MYORG: variants seen among roughly 807,000 people sequenced by gnomAD.
The protein encoded by MYORG is alpha-galactosidase MYORG.
MYORG carries 45 observed loss-of-function variants against 49.8 expected under a neutral mutation model. The observed-to-expected ratio is 0.90, with a 90% CI of 0.71 to 1.16. MYORG has a LOEUF of 1.16. MYORG is among the 50% of genes most tolerant of loss of function. The pLI, the probability that MYORG is intolerant of heterozygous loss-of-function variation, is 0.00. For missense variants in MYORG, 1,110 were observed against 1,026.5 expected (o/e 1.08, Z -1.11); for synonymous variants, 552 against 462.9 (o/e 1.19, Z -2.47).
At position 34,371,850 on chromosome 9, in the gene MYORG, A is replaced by C; in HGVS notation, c.1094T>G (p.Phe365Cys). ...MYTPAYGDFD[F>C]DEVKFPNASD... Reference sequence around the variant, plus strand: ...GGCGTTGGGGAATTTGACCTCATCGAAGTCGAAGTCGCCATAAGCAGGTGT... The same window carrying C: ...GGCGTTGGGGAATTTGACCTCATCGCAGTCGAAGTCGCCATAAGCAGGTGT... The change falls in exon 2 of 2, where the codon TTC becomes TGC. Residue 365 changes from phenylalanine (F) to cysteine (C), a missense_variant. Coordinates refer to ENST00000297625, the MANE Select transcript of MYORG (RefSeq NM_020702.5). The C allele has an allele frequency of 6.2e-7, 1 of 1,614,014 alleles. No homozygotes were observed. Among genetic ancestry groups the C allele is most frequent in the East Asian group, 2.2e-5 (1 of 44,884 alleles).
Position 34,372,308 on chromosome 9 carries a change from G to T in MYORG, c.636C>A (p.Ser212Arg). The stretch of plus-strand genomic sequence containing the variant: ...ACGCGGCGTCGGAGGAGTAGACATC[G>T]CTGGTGACGAACGGCTGGGGCTCCT... ...GQQEPQPFVTSDVYSSDAAFG... is the reference protein window; with the variant it reads ...GQQEPQPFVTRDVYSSDAAFG... Residue 212 changes from serine to arginine, a missense_variant, in exon 2 of 2, where the codon AGC (serine) becomes AGA (arginine). Transcript: ENST00000297625. 6.2e-7 allele frequency: 1 copy of T among 1,609,858 alleles called. No individual in the cohort carries two copies. The highest frequency in any genetic ancestry group is 8.5e-7 in the Non-Finnish European group (1 of 1,178,516).
Position 34,371,168 on chromosome 9 carries a change from C to T in MYORG, c.1776G>A (p.Pro592=). 6.2e-7 allele frequency: 1 copy of T among 1,609,922 alleles called. No individual in the cohort carries two copies. Among genetic ancestry groups the T allele is most frequent in the Non-Finnish European group, 8.5e-7 (1 of 1,177,740 alleles). ...CCACTTCCGCGTCGTAGCGCCAGGG[C>T]GGGATAGAGAACTGCATGGCCGGCA... ...AFMPAMQFSI[P]PWRYDAEVVA... Residue 592 remains proline, a synonymous_variant, in exon 2 of 2, where the codon CCG becomes CCA. Coordinates refer to ENST00000297625, the MANE Select transcript of MYORG (RefSeq NM_020702.5).
rs1469781507 is a variant in MYORG, at chr9:34,367,357, C to T, written c.*3442G>A. 6.6e-6 allele frequency: 1 copy of T among 152,160 alleles called. No homozygotes were observed. Among genetic ancestry groups the T allele is most frequent in the Non-Finnish European group, 1.5e-5 (1 of 68,038 alleles). The allele number at this position is 152,160 out of a possible 1,614,324, so 9.4% of individuals were successfully genotyped here. A position where few individuals can be genotyped will look rare whatever the true frequency, so the allele number is the denominator to read the frequency against. On this transcript the variant is annotated 3_prime_UTR_variant, in exon 2 of 2. Coordinates refer to ENST00000297625, the MANE Select transcript of MYORG (RefSeq NM_020702.5). ...CTCATTTAAAAATCAATCATGCCTT[C>T]CCAACAGTCCCCCAAAGTCTTAACT... is the stretch of plus-strand genomic sequence containing the variant.
chr9:34,372,552 A>G lies in MYORG; in HGVS notation c.392T>C (p.Leu131Pro). ...DLDSCSRDGA[L>P]LGCSLTADGL... Reference sequence around the variant, plus strand: ...GTCGGCCGTGAGCGAGCAGCCCAGCAGGGCGCCATCGCGGCTGCAGGAGTC... The same window carrying G: ...GTCGGCCGTGAGCGAGCAGCCCAGCGGGGCGCCATCGCGGCTGCAGGAGTC... The change falls in exon 2 of 2, where the codon CTG becomes CCG. Residue 131 changes from leucine (L) to proline (P), a missense_variant. Coordinates refer to ENST00000297625, the MANE Select transcript of MYORG (RefSeq NM_020702.5). 1 of 1,602,758 alleles carries G rather than the reference A, an allele frequency of 6.2e-7. No individual in the cohort carries two copies. The highest frequency in any genetic ancestry group is 8.5e-7 in the Non-Finnish European group (1 of 1,175,342).
chr9:34,374,567 A>T (rs939867728), intron 1 of MYORG, among the ~76,000 whole-genome samples: 2 of 151,884 alleles, frequency 1.3e-5, no homozygotes, highest in Non-Finnish European at 2.9e-5. Context: ...TACCACTAAC[A>T]CACATAAACT....
chr9:34,370,575 G>T lies in MYORG; in HGVS notation c.*224C>A. ...TGCAGATTGGTGTGAGTGTGGGGGT[G>T]GAAAGGGCACAGTAAGGATTGTGCG... On this transcript the variant is annotated 3_prime_UTR_variant, in exon 2 of 2. Coordinates refer to ENST00000297625, the MANE Select transcript of MYORG (RefSeq NM_020702.5). 1.4e-6 allele frequency: 1 copy of T among 714,520 alleles called. No homozygotes were observed. The highest frequency in any genetic ancestry group is 2.1e-6 in the Non-Finnish European group (1 of 472,318). The allele number at this position is 714,520 out of a possible 1,614,324, so 44.3% of individuals were successfully genotyped here.
rs540916656 is a variant in MYORG, at chr9:34,370,747, C to A, written c.*52G>T. 9.9e-5 allele frequency: 150 copies of A among 1,507,716 alleles called. 1 individual carries two copies. The African/African-American group carries it at 1.9e-3, about 19-fold the overall frequency. 93.4% of individuals were successfully genotyped at this position (1,507,716 alleles called of 1,614,324 possible). On this transcript the variant is annotated 3_prime_UTR_variant, in exon 2 of 2. Coordinates refer to ENST00000297625, the MANE Select transcript of MYORG (RefSeq NM_020702.5). ...CATGGTGCGGGTGTGACGGAGGGTT[C>A]AAGGTCTGCATGAAGACTGGGGGCT...
Position 34,371,062 on chromosome 9 carries a change from CG to C in MYORG, c.1881del (p.Asp628ThrfsTer126), listed in dbSNP as rs1820583646. The C allele has an allele frequency of 6.2e-7, 1 of 1,611,000 alleles. No homozygotes were observed. Among genetic ancestry groups the C allele is most frequent in the Non-Finnish European group, 8.5e-7 (1 of 1,178,946 alleles). On this transcript the variant is annotated frameshift_variant, in exon 2 of 2. Transcript: ENST00000297625. LOFTEE classifies it high-confidence loss of function. The stretch of plus-strand genomic sequence containing the variant: ...GGGCGCACGATAGGGTCACCCGTGT[CG>C]GTGACCTCGCCCGCCAGCTCAAGCA... ...PLLLELAGEV[T>X]DTGDPIVRPL...
In MYORG at chr9:34,370,395, C is replaced by T. The variant is rs770046654; in HGVS notation, c.*404G>A. The T allele has an allele frequency of 1.2e-5, 2 of 169,184 alleles. No homozygotes were observed. The highest frequency in any genetic ancestry group is 2.6e-5 in the Non-Finnish European group (2 of 78,008). The allele number at this position is 169,184 out of a possible 1,614,324, so 10.5% of individuals were successfully genotyped here. ...TGGAGACCTTAAATAAGATCAAGTCCCCACCTAAGATGGACAAAGATGGCC... is the reference window on the plus strand; with the variant it reads ...TGGAGACCTTAAATAAGATCAAGTCTCCACCTAAGATGGACAAAGATGGCC... On this transcript the variant is annotated 3_prime_UTR_variant, in exon 2 of 2. Transcript: ENST00000297625.
intron 1 of MYORG, among the ~76,000 whole-genome samples, chr9:34,375,024 A>G (rs915040298): frequency 6.6e-6 from 1 of 152,152 alleles, no homozygotes; most frequent in Admixed American, 6.5e-5. Context: ...GCAGAGTCCA[A>G]CAAAGAAATA....
At chr9:34,374,217 ACT>A (rs1246110500) in intron 1 of MYORG, among the ~76,000 whole-genome samples, 9 of 151,972 alleles carry the variant, frequency 5.9e-5, no homozygotes, top group Non-Finnish European at 1.0e-4. Flanking sequence ...GGCCTCTCTG[ACT>A]CTAACTTCTT....
rs745536220 is a variant in MYORG, at chr9:34,372,792, G to C, written c.152C>G (p.Ser51Cys). ...DNFSPAKPKP[S>C]KDLKPLLGSA... ...GCCCAGCAGCGGCTTCAGGTCTTTGGAAGGCTTGGGCTTGGCAGGTGAGAA... is the reference window on the plus strand; with the variant it reads ...GCCCAGCAGCGGCTTCAGGTCTTTGCAAGGCTTGGGCTTGGCAGGTGAGAA... Residue 51 changes from serine (S) to cysteine (C), a missense_variant, in exon 2 of 2, where the codon TCC (serine) becomes TGC (cysteine). Transcript: ENST00000297625. The C allele has an allele frequency of 2.5e-6, 4 of 1,614,040 alleles. No homozygotes were observed. Among genetic ancestry groups the C allele is most frequent in the Non-Finnish European group, 3.4e-6 (4 of 1,179,888 alleles).
rs376703595 is a variant in MYORG, at chr9:34,372,776, C to A, written c.168G>T (p.Pro56=). The A allele has an allele frequency of 2.5e-6, 4 of 1,613,980 alleles. No homozygotes were observed. Among genetic ancestry groups the A allele is most frequent in the Non-Finnish European group, 8.5e-7 (1 of 1,179,860 alleles). Residue 56 remains proline, a synonymous_variant, in exon 2 of 2, where the codon CCG becomes CCT. Coordinates refer to ENST00000297625, the MANE Select transcript of MYORG (RefSeq NM_020702.5). ...GCCCCAGAACCGCGGAGCCCAGCAG[C>A]GGCTTCAGGTCTTTGGAAGGCTTGG... ...AKPKPSKDLK[P]LLGSAVLGLL...
At position 34,373,066 on chromosome 9, in the gene MYORG, T is replaced by A; in HGVS notation, c.-63-60A>T. ...CTCATCCCATGATATTTCCATTTGC[T>A]GCCGCAAGCTAAGAGGAGGTGTATA... On this transcript the variant is annotated intron_variant, in intron 1 of 1. Coordinates refer to ENST00000297625, the MANE Select transcript of MYORG (RefSeq NM_020702.5). The A allele has an allele frequency of 3.2e-6, 4 of 1,231,804 alleles. No individual in the cohort carries two copies. In the South Asian group the frequency reaches 4.3e-5, roughly 13 times the overall value. 76.3% of individuals were successfully genotyped at this position (1,231,804 alleles called of 1,614,324 possible).
Position 34,369,977 on chromosome 9 carries a change from A to G in MYORG, c.*822T>C, listed in dbSNP as rs950647837. 1 of 152,394 alleles carries G rather than the reference A, an allele frequency of 6.6e-6. No individual in the cohort carries two copies. Among genetic ancestry groups the G allele is most frequent in the Non-Finnish European group, 1.5e-5 (1 of 68,090 alleles). 9.4% of individuals were successfully genotyped at this position (152,394 alleles called of 1,614,324 possible). On this transcript the variant is annotated 3_prime_UTR_variant, in exon 2 of 2. Transcript: ENST00000297625. The stretch of plus-strand genomic sequence containing the variant: ...GCCTCAGAGAGGTTGTGTTCATTTC[A>G]TAGATCAGGGACCCATGATGCGTGT...
chr9:34,374,515 C>T (rs1205546304), intron 1 of MYORG, among the ~76,000 whole-genome samples: 1 of 152,050 alleles, frequency 6.6e-6, no homozygotes, highest in Non-Finnish European at 1.5e-5. Flanking sequence ...CCCAGCGCAC[C>T]TCCTCCACCT....
At chr9:34,374,759 A>T (rs1820693392) in intron 1 of MYORG, among the ~76,000 whole-genome samples, 1 of 151,338 alleles carries the variant, frequency 6.6e-6, no homozygotes, top group Non-Finnish European at 1.5e-5. Flanking sequence ...AAAATTAGCC[A>T]GGCATGGTGG....
At chr9:34,375,060 A>G (rs1167574297) in intron 1 of MYORG, among the ~76,000 whole-genome samples, 1 of 152,196 alleles carries the variant, frequency 6.6e-6, no homozygotes, top group Non-Finnish European at 1.5e-5. Context: ...ACACACGGGC[A>G]TACACACAGC....
chr9:34,371,231 G>C lies in MYORG; in HGVS notation c.1713C>G (p.Arg571=), dbSNP rs1323709380. 1 of 1,609,282 alleles carries C rather than the reference G, an allele frequency of 6.2e-7. No homozygotes were observed. Among genetic ancestry groups the C allele is most frequent in the Admixed American group, 1.7e-5 (1 of 59,656 alleles). The change falls in exon 2 of 2, where the codon CGC becomes CGG. Residue 571 remains arginine (R), a synonymous_variant. Transcript: ENST00000297625. Reference sequence around the variant, plus strand: ...CTTCCAGCCAGCGAATGTAGAGCTCGCGCTCGGGCACATCGCCGCCGGCTG... The same window carrying C: ...CTTCCAGCCAGCGAATGTAGAGCTCCCGCTCGGGCACATCGCCGCCGGCTG... The part of the protein sequence containing the change: ...QRTAGGDVPE[R]ELYIRWLEVA...
Sources: gnomAD v4.1 joint callset for allele counts (sites outside exome capture counted in the v4.1 genomes callset) on GRCh38, gnomAD v4.1.1 for gene constraint, MANE v1.5 for transcripts, NCBI Gene and HGNC (gene_info 2026-07-23, HGNC 2026-07-21) for gene names.